The following ULK4 variants were observed in gnomAD, a reference collection of about 807,000 sequenced individuals.
The protein encoded by ULK4 is unc-51 like kinase 4.
In ULK4, 133 loss-of-function variants were observed where a neutral mutation model predicts 160.6. The observed-to-expected ratio is 0.83, with a 90% CI of 0.72 to 0.96. The LOEUF is 0.96. ULK4 is among the 40% of genes least tolerant of loss of function. The pLI, the probability that ULK4 is intolerant of heterozygous loss-of-function variation, is 0.00. For missense variants in ULK4, 1,580 were observed against 1,499.5 expected, an observed-to-expected ratio of 1.05 and a Z score of -0.89; for synonymous variants, 534 against 539.8, an observed-to-expected ratio of 0.99 and a Z score of 0.15.
intron 30 of ULK4, among the ~76,000 whole-genome samples, chr3:41,633,685 A>G (rs1271249990): frequency 1.3e-5 from 2 of 152,190 alleles, no homozygotes; most frequent in African/African-American, 2.4e-5. Context: ...ACTAATCTCA[A>G]GATGATCAAA....
At chr3:41,823,675 C>T (rs954838453) in intron 18 of ULK4, among the ~76,000 whole-genome samples, 2 of 152,122 alleles carry the variant, frequency 1.3e-5, no homozygotes, top group African/African-American at 2.4e-5. Context: ...CAGGTTAGCA[C>T]TGACCTGAGA....
chr3:41,575,895 C>T (rs1163008335), intron 31 of ULK4, among the ~76,000 whole-genome samples: 1 of 152,180 alleles, frequency 6.6e-6, no homozygotes, highest in African/African-American at 2.4e-5. Context: ...CTCAATGTGG[C>T]CCTATGCCTC....
At chr3:41,833,579 A>T (rs891260759) in intron 18 of ULK4, among the ~76,000 whole-genome samples, 1 of 152,086 alleles carries the variant, frequency 6.6e-6, no homozygotes, top group Non-Finnish European at 1.5e-5. Context: ...TGCAGGCGTG[A>T]GCCACTGCGC....
chr3:41,581,917 T>C (rs967297113), intron 31 of ULK4, among the ~76,000 whole-genome samples: 7 of 152,194 alleles, frequency 4.6e-5, no homozygotes, highest in Admixed American at 1.3e-4. Flanking sequence ...GACAAAGGTC[T>C]TGCGGTTGAG....
intron 35 of ULK4, among the ~76,000 whole-genome samples, chr3:41,395,467 G>A (rs1024534264): frequency 6.6e-5 from 10 of 152,088 alleles, no homozygotes; most frequent in African/African-American, 2.2e-4. Flanking sequence ...ATTCTAGCAC[G>A]TGCTACATCA....
Position 41,545,286 on chromosome 3 carries a change from C to T in ULK4, c.3226+20739G>A, listed in dbSNP as rs1271165247. Reference sequence around the variant, plus strand: ...TTGAGTTTTCATCTGGTATCTCTTCCTTTTAGCCTGAAAAACTTAATTTAG... The same window carrying T: ...TTGAGTTTTCATCTGGTATCTCTTCTTTTTAGCCTGAAAAACTTAATTTAG... On this transcript the variant is annotated intron_variant, in intron 32 of 36. Coordinates refer to ENST00000301831, the MANE Select transcript of ULK4 (RefSeq NM_017886.4). 2.0e-5 allele frequency among the ~76,000 whole-genome samples: 3 copies of T among 152,166 alleles called. No individual in the cohort carries two copies. In the East Asian group the frequency reaches 5.8e-4, roughly 29 times the overall value.
chr3:41,323,813 A>G (rs2125733420), intron 35 of ULK4, among the ~76,000 whole-genome samples: 1 of 152,318 alleles, frequency 6.6e-6, no homozygotes, highest in East Asian at 1.9e-4. Flanking sequence ...GCAATTTAAA[A>G]GCACCAAGGC....
chr3:41,603,328 T>C (rs896979867), intron 31 of ULK4, among the ~76,000 whole-genome samples: 9 of 151,244 alleles, frequency 6.0e-5, no homozygotes, highest in Non-Finnish European at 1.3e-4. Flanking sequence ...GCAACAAAGG[T>C]GTAAAACACT....
intron 5 of ULK4, among the ~76,000 whole-genome samples, chr3:41,927,904 G>C (rs1223036637): frequency 1.3e-5 from 2 of 151,992 alleles, no homozygotes; most frequent in Non-Finnish European, 2.9e-5. Flanking sequence ...CACCATAATA[G>C]TGGGAGACTT....
At chr3:41,402,574 G>A (rs562386351) in intron 34 of ULK4, among the ~76,000 whole-genome samples, 2 of 152,204 alleles carry the variant, frequency 1.3e-5, no homozygotes, top group South Asian at 4.2e-4. Flanking sequence ...AATAAGTGCT[G>A]GTGGTTCTGT....
At chr3:41,735,717 C>T (rs922980837) in intron 22 of ULK4, among the ~76,000 whole-genome samples, 5 of 72,596 alleles carry the variant, frequency 6.9e-5, no homozygotes, top group Admixed American at 1.5e-4. Flanking sequence ...TATTATTATA[C>T]TTTAAGTTTT....
chr3:41,685,694 AC>A (rs2036077070), intron 27 of ULK4, among the ~76,000 whole-genome samples: 2 of 152,128 alleles, frequency 1.3e-5, no homozygotes, highest in Admixed American at 1.3e-4. Context: ...CCCAGCCCAG[AC>A]TGCATACCCT....
intron 31 of ULK4, among the ~76,000 whole-genome samples, chr3:41,578,014 A>T (rs970436638): frequency 2.6e-5 from 4 of 152,230 alleles, no homozygotes; most frequent in African/African-American, 9.6e-5. Context: ...ACAGCAAGTG[A>T]TGAATAGGCT....
At chr3:41,822,975 G>C (rs1017756214) in intron 18 of ULK4, among the ~76,000 whole-genome samples, 3 of 151,798 alleles carry the variant, frequency 2.0e-5, no homozygotes, top group African/African-American at 7.3e-5. Context: ...ACCTGCCTCA[G>C]CCTCCCAAAG....
chr3:41,463,099 C>G lies in ULK4; in HGVS notation c.3381G>C (p.Arg1127=), dbSNP rs1258656012. The G allele has an allele frequency of 6.2e-7, 1 of 1,613,030 alleles. No individual in the cohort carries two copies. Among genetic ancestry groups the G allele is most frequent in the Non-Finnish European group, 8.5e-7 (1 of 1,179,282 alleles). The change falls in exon 33 of 37, where the codon CGG becomes CGC. Residue 1127 remains arginine (R), a synonymous_variant. Transcript: ENST00000301831. Reference sequence around the variant, plus strand: ...ACAGATCCTCTACCTGCAAAGCCAGCCGTACAATACCGGAGGTATAGGTCA... The same window carrying G: ...ACAGATCCTCTACCTGCAAAGCCAGGCGTACAATACCGGAGGTATAGGTCA... ...SMLTYTSGIV[R]LALQAQKSGS... is the part of the protein sequence containing the mutation.
intron 27 of ULK4, 29 bp downstream of exon 27, chr3:41,705,028 A>G (rs765033039): frequency 6.4e-7 from 1 of 1,555,098 alleles, no homozygotes; most frequent in Non-Finnish European, 8.7e-7. Context: ...ATTTAAAAGG[A>G]GCTTTTTTCA....
chr3:41,293,915 G>C (rs2079620163), intron 35 of ULK4, among the ~76,000 whole-genome samples: 1 of 152,202 alleles, frequency 6.6e-6, no homozygotes, highest in African/African-American at 2.4e-5. Flanking sequence ...AGTTTGAAAG[G>C]TGGAGAGAAA....
At chr3:41,459,145 A>G (rs1445797526) in intron 33 of ULK4, among the ~76,000 whole-genome samples, 2 of 152,096 alleles carry the variant, frequency 1.3e-5, no homozygotes, top group Non-Finnish European at 2.9e-5. Flanking sequence ...TCCGCCTCCC[A>G]GGTTCAAATG....
At chr3:41,468,183 C>T (rs574300499) in intron 32 of ULK4, among the ~76,000 whole-genome samples, 5 of 152,122 alleles carry the variant, frequency 3.3e-5, no homozygotes, top group African/African-American at 9.6e-5. Context: ...AAAGTGCCAA[C>T]GTTCAAGGGA....
Sources: gnomAD v4.1 joint callset for allele counts (sites outside exome capture counted in the v4.1 genomes callset) on GRCh38, gnomAD v4.1.1 for gene constraint, MANE v1.5 for transcripts, NCBI Gene and HGNC (gene_info 2026-07-23, HGNC 2026-07-21) for gene names.